NUB1: variants seen among roughly 807,000 people sequenced by gnomAD.
The protein encoded by NUB1 is NEDD8 ultimate buster 1.
A neutral mutation model predicts 77.1 loss-of-function variants in NUB1; 41 were observed. The observed-to-expected ratio is 0.53, with a 90% CI of 0.41 to 0.69. The LOEUF (loss-of-function observed/expected upper bound fraction) is 0.69, where lower values mean the gene tolerates loss of function less well. Among genes scored for constraint, NUB1 ranks in the 30% least tolerant of loss-of-function variants. The pLI is 0.00. For synonymous variants in NUB1, 257 were observed against 281.0 expected (o/e 0.91, Z 0.85); for missense variants, 643 against 743.8 (o/e 0.86, Z 1.58).
rs908954501 is a variant in NUB1, at chr7:151,376,475, A to T, written c.1492-159A>T. 96 of 696,686 alleles carry T rather than the reference A, an allele frequency of 1.4e-4. No individual in the cohort carries two copies. The African/African-American group carries it at 1.5e-3, about 11-fold the overall frequency. 43.2% of individuals were successfully genotyped at this position (696,686 alleles called of 1,614,324 possible). ...TCCAAGCCCCCTTCCAGGTTGCTCTACGCTCACATTGCACAGAAGCATGAC... is the reference window on the plus strand; with the variant it reads ...TCCAAGCCCCCTTCCAGGTTGCTCTTCGCTCACATTGCACAGAAGCATGAC... On this transcript the variant is annotated intron_variant, in intron 13 of 14. Transcript: ENST00000568733.
intron 1 of NUB1, among the ~76,000 whole-genome samples, chr7:151,342,821 T>C (rs1277562018): frequency 6.6e-6 from 1 of 152,178 alleles, no homozygotes; most frequent in African/African-American, 2.4e-5. Flanking sequence ...TTGGATGGCA[T>C]CTTTTTAAAA....
At chr7:151,375,617 C>G (rs1165973690) in intron 12 of NUB1, among the ~76,000 whole-genome samples, 1 of 152,216 alleles carries the variant, frequency 6.6e-6, no homozygotes, top group Non-Finnish European at 1.5e-5. Context: ...CCTTCCTGCT[C>G]TAACAGAAGG....
Position 151,349,080 on chromosome 7 carries a change from C to G in NUB1, c.125C>G (p.Ala42Gly), listed in dbSNP as rs1796662915. ...KKVGLALKDL[A>G]KQYSDRLECC... ...TCTGATTTTTCTTGATAGGACCTTG[C>G]TAAGCAGTACTCTGACAGACTAGAA... Residue 42 changes from alanine (A) to glycine (G), a missense_variant, in exon 3 of 15, where the codon GCT becomes GGT. Transcript: ENST00000568733. 1 of 1,607,304 alleles carries G rather than the reference C, an allele frequency of 6.2e-7. No individual in the cohort carries two copies. Among genetic ancestry groups the G allele is most frequent in the Admixed American group, 1.7e-5 (1 of 58,198 alleles).
At chr7:151,365,996 A>C (rs777566750) in intron 8 of NUB1, among the ~76,000 whole-genome samples, 10 of 152,234 alleles carry the variant, frequency 6.6e-5, no homozygotes, top group Non-Finnish European at 8.8e-5. Flanking sequence ...GTAGAACACC[A>C]ATGAACATAA....
Position 151,343,493 on chromosome 7 carries a change from A to G in NUB1, c.-3+1647A>G, listed in dbSNP as rs186354437. 2.0e-5 allele frequency among the ~76,000 whole-genome samples: 3 copies of G among 152,298 alleles called. 1 individual carries two copies. The highest frequency in any genetic ancestry group is 1.9e-4 in the East Asian group (1 of 5,182). On this transcript the variant is annotated intron_variant, in intron 1 of 14. Transcript: ENST00000568733. ...AAATTTATCTTGGTAATATTAACTC[A>G]TATTTTTTCCACTCTCTAGAACTTG...
Position 151,367,986 on chromosome 7 carries a change from G to A in NUB1, c.1095+18G>A. 7.0e-7 allele frequency: 1 copy of A among 1,427,952 alleles called. No individual in the cohort carries two copies. The highest frequency in any genetic ancestry group is 9.6e-7 in the Non-Finnish European group (1 of 1,045,944). The allele number at this position is 1,427,952 out of a possible 1,614,324, so 88.5% of individuals were successfully genotyped here. Reference sequence around the variant, plus strand: ...TTAACAAGGTAAGAAAAGTAAAGTTGTAACCAATTTTCACCTCCTTTTAAA... The same window carrying A: ...TTAACAAGGTAAGAAAAGTAAAGTTATAACCAATTTTCACCTCCTTTTAAA... On this transcript the variant is annotated intron_variant, in intron 10 of 14. Coordinates refer to ENST00000568733, the MANE Select transcript of NUB1 (RefSeq NM_001243351.2).
At chr7:151,358,492 C>T (rs750437658) in intron 7 of NUB1, among the ~76,000 whole-genome samples, 5 of 152,140 alleles carry the variant, frequency 3.3e-5, no homozygotes, top group Non-Finnish European at 5.9e-5. Context: ...AGATCAGCGG[C>T]GGCATTAGAG....
intron 1 of NUB1, among the ~76,000 whole-genome samples, chr7:151,342,975 T>C (rs965789964): frequency 1.3e-5 from 2 of 152,170 alleles, no homozygotes; most frequent in Non-Finnish European, 2.9e-5. Context: ...CGCCCGGCCT[T>C]GGATGGCATC....
intron 7 of NUB1, among the ~76,000 whole-genome samples, chr7:151,357,270 C>T (rs148294264): frequency 0.018 from 2,726 of 151,216 alleles, 97 homozygotes; most frequent in African/African-American, 0.063. Context: ...ATTATAGGCA[C>T]GCACCACCAT....
intron 2 of NUB1, 40 bp downstream of exon 2, chr7:151,345,506 A>G (rs774567023): frequency 9.6e-7 from 1 of 1,044,972 alleles, no homozygotes; most frequent in Non-Finnish European, 1.4e-6. Flanking sequence ...GCAGCATTAT[A>G]AATCTCCTTG....
intron 1 of NUB1, among the ~76,000 whole-genome samples, chr7:151,344,180 CAAAAAAAAA>C (rs561127147): frequency 1.4e-3 from 64 of 45,624 alleles, no homozygotes; most frequent in African/African-American, 3.1e-3. Context: ...GACTCCCTCT[CAAAAAAAAA>C]AAAAAAAAAA....
At position 151,368,931 on chromosome 7, in the gene NUB1, CA is replaced by C. The variant is rs778891701; in HGVS notation, c.1248+51del. The C allele has an allele frequency of 1.5e-4, 226 of 1,535,326 alleles. No homozygotes were observed. The African/African-American group carries it at 2.9e-3, about 20-fold the overall frequency. ...CCTAGCTCTCTTGGGTATGAAAGAA[CA>C]AAAAAAGATAATCCCACAGGAGTGT... On this transcript the variant is annotated intron_variant, in intron 11 of 14. Coordinates refer to ENST00000568733, the MANE Select transcript of NUB1 (RefSeq NM_001243351.2).
chr7:151,369,032 G>C, intron 11 of NUB1, 145 bp downstream of exon 11: 6 of 938,394 alleles, frequency 6.4e-6, no homozygotes, highest in Non-Finnish European at 9.0e-6. Context: ...TCTTGAGACA[G>C]AGTCTCACTT....
intron 4 of NUB1, among the ~76,000 whole-genome samples, chr7:151,352,597 C>T (rs937783067): frequency 2.6e-5 from 4 of 152,126 alleles, no homozygotes; most frequent in African/African-American, 9.7e-5. Flanking sequence ...CATGGGCTAC[C>T]AGGCCTGGCT....
At chr7:151,358,633 G>A (rs1797200408) in intron 7 of NUB1, among the ~76,000 whole-genome samples, 1 of 152,146 alleles carries the variant, frequency 6.6e-6, no homozygotes. Context: ...CTTCCTCCTT[G>A]TCCATGGAAA....
intron 8 of NUB1, chr7:151,360,881 C>G (rs1473310219): frequency 6.6e-6 from 1 of 151,888 alleles, no homozygotes; most frequent in Non-Finnish European, 1.5e-5. Flanking sequence ...AAGTGATCCA[C>G]CCACCACAGC....
intron 11 of NUB1, among the ~76,000 whole-genome samples, chr7:151,373,595 G>T (rs1798056466): frequency 6.6e-6 from 1 of 152,190 alleles, no homozygotes. Context: ...CCCAGGCTGT[G>T]GGGGGCGGGT....
chr7:151,369,898 G>A (rs549033078), intron 11 of NUB1, among the ~76,000 whole-genome samples: 4 of 152,264 alleles, frequency 2.6e-5, no homozygotes, highest in East Asian at 1.9e-4. Context: ...GGAAAGCCCC[G>A]TGGTTGTTTG....
At chr7:151,374,502 G>A in intron 12 of NUB1, 2 of 568,196 alleles carry the variant, frequency 3.5e-6, no homozygotes, top group East Asian at 2.9e-5. Flanking sequence ...CACAGGCCAG[G>A]ACTTTGTGTA....
Sources: gnomAD v4.1 joint callset for allele counts (sites outside exome capture counted in the v4.1 genomes callset) on GRCh38, gnomAD v4.1.1 for gene constraint, MANE v1.5 for transcripts, NCBI Gene and HGNC (gene_info 2026-07-23, HGNC 2026-07-21) for gene names.